FOXP2: variants seen among roughly 807,000 people sequenced by gnomAD.
FOXP2 encodes forkhead box P2.
A neutral mutation model predicts 115.8 loss-of-function variants in FOXP2; 12 were observed. The observed-to-expected ratio is 0.10, with a 90% CI of 0.07 to 0.17. The LOEUF (loss-of-function observed/expected upper bound fraction) is 0.17, where lower values mean the gene tolerates loss of function less well. Ranked by LOEUF, FOXP2 falls within the 10% of genes least tolerant of loss-of-function variation. The probability of loss-of-function intolerance (pLI) is 1.00; values close to 1 mark genes in which losing one functional copy is unlikely to be tolerated. For missense variants in FOXP2, 629 were observed against 843.5 expected (o/e 0.75, Z 3.15); for synonymous variants, 328 against 297.7 (o/e 1.10, Z -1.05).
At chr7:114,561,212 A>T (rs1455859163) in intron 3 of FOXP2, 1 of 152,246 alleles carries the variant, frequency 6.6e-6, no homozygotes, top group Non-Finnish European at 1.5e-5. Flanking sequence ...ATAGAGAAGT[A>T]TATGCTGGGT....
chr7:114,671,681 A>G (rs72603572), intron 16 of FOXP2, among the ~76,000 whole-genome samples: 5,054 of 134,716 alleles, frequency 0.038, 416 homozygotes, highest in East Asian at 0.34. Context: ...AGTACCAGGG[A>G]AAAAAAAATG....
chr7:114,164,130 A>C (rs992496379), intron 1 of FOXP2, among the ~76,000 whole-genome samples: 7 of 152,144 alleles, frequency 4.6e-5, no homozygotes, highest in Admixed American at 2.0e-4. Context: ...TTCCAGGTTC[A>C]TGTTTAATCT....
In FOXP2 at chr7:114,640,783, A is replaced by G. The variant is rs537129649; in HGVS notation, c.776-1627A>G. On this transcript the variant is annotated intron_variant, in intron 6 of 16. Transcript: ENST00000350908. Reference sequence around the variant, plus strand: ...CACTTTCATCTTTATATTAGATGTTATAGATGCACATAGTAATTAAGAACA... The same window carrying G: ...CACTTTCATCTTTATATTAGATGTTGTAGATGCACATAGTAATTAAGAACA... Among the ~76,000 whole-genome samples, 6 of 152,298 alleles carry G rather than the reference A, an allele frequency of 3.9e-5. No individual in the cohort carries two copies. The South Asian group carries it at 6.2e-4, about 16-fold the overall frequency.
chr7:114,644,538 A>G, intron 7 of FOXP2, 147 bp from the exon 8 acceptor site: 1 of 695,166 alleles, frequency 1.4e-6, no homozygotes, highest in Non-Finnish European at 2.6e-6. Flanking sequence ...GAACTATTCA[A>G]TAGAACGATT....
At chr7:114,207,341 A>T (rs1439409300) in intron 1 of FOXP2, among the ~76,000 whole-genome samples, 1 of 152,208 alleles carries the variant, frequency 6.6e-6, no homozygotes, top group Non-Finnish European at 1.5e-5. Context: ...TTTATGTGTA[A>T]CATTTTGAGA....
chr7:114,226,673 A>T (rs1056338304), intron 1 of FOXP2, among the ~76,000 whole-genome samples: 1 of 152,154 alleles, frequency 6.6e-6, no homozygotes, highest in Non-Finnish European at 1.5e-5. Flanking sequence ...TCAGGTTTTG[A>T]AAGTTTCCCA....
intron 2 of FOXP2, among the ~76,000 whole-genome samples, chr7:114,457,383 T>G (rs987137611): frequency 2.0e-5 from 3 of 152,180 alleles, no homozygotes; most frequent in African/African-American, 7.2e-5. Flanking sequence ...TCTCTACTTT[T>G]TATCCCCTTG....
chr7:114,508,597 G>C (rs1797932495), intron 2 of FOXP2, among the ~76,000 whole-genome samples: 1 of 151,888 alleles, frequency 6.6e-6, no homozygotes, highest in East Asian at 1.9e-4. Flanking sequence ...AAACCTAAAG[G>C]GTGGAGCTTT....
upstream of FOXP2, among the ~76,000 whole-genome samples, chr7:114,162,531 A>G (rs1309044158): frequency 6.6e-6 from 1 of 152,030 alleles, no homozygotes; most frequent in African/African-American, 2.4e-5. Context: ...ACACTTTTCT[A>G]ATCATCCTGT....
intron 3 of FOXP2, among the ~76,000 whole-genome samples, chr7:114,608,595 G>A (rs934342304): frequency 6.6e-6 from 1 of 152,128 alleles, no homozygotes; most frequent in African/African-American, 2.4e-5. Flanking sequence ...CTAGAAACAA[G>A]TCACAGGTTC....
intron 2 of FOXP2, among the ~76,000 whole-genome samples, chr7:114,346,882 G>A (rs888749404): frequency 6.6e-6 from 1 of 151,782 alleles, no homozygotes; most frequent in Non-Finnish European, 1.5e-5. Flanking sequence ...TTGTACTGTA[G>A]GGTGAGTGGA....
rs1357919565 is a variant in FOXP2 at position 114,692,609 on chromosome 7, C to G, written c.*2683C>G. ...TAGCAAATCTGCTTTTCTGCATCTG[C>G]TTTGCGTAGCTATTGTAAGGCTTTG... On this transcript the variant is annotated 3_prime_UTR_variant, in exon 17 of 17. Transcript: ENST00000350908. 1 of 451,296 alleles carries G rather than the reference C, an allele frequency of 2.2e-6. No individual in the cohort carries two copies. The highest frequency in any genetic ancestry group is 2.0e-5 in the African/African-American group (1 of 49,816). The allele number at this position is 451,296 out of a possible 1,614,324, so 28.0% of individuals were successfully genotyped here.
At chr7:114,339,389 A>G (rs553603650) in intron 2 of FOXP2, among the ~76,000 whole-genome samples, 71 of 151,404 alleles carry the variant, frequency 4.7e-4, no homozygotes. Context: ...AGTAATGAAT[A>G]TAATTAGTGT....
At chr7:114,348,889 G>T (rs1222771284) in intron 2 of FOXP2, among the ~76,000 whole-genome samples, 3 of 152,084 alleles carry the variant, frequency 2.0e-5, no homozygotes, top group Non-Finnish European at 2.9e-5. Context: ...CAGCTTATGA[G>T]TATTCAACAC....
chr7:114,169,861 C>G (rs1793092859), intron 1 of FOXP2, among the ~76,000 whole-genome samples: 1 of 152,154 alleles, frequency 6.6e-6, no homozygotes, highest in African/African-American at 2.4e-5. Flanking sequence ...CTCAGGAGAT[C>G]TGATGGTTTT....
At chr7:114,385,020 A>G (rs1792407683) in intron 2 of FOXP2, among the ~76,000 whole-genome samples, 1 of 149,738 alleles carries the variant, frequency 6.7e-6, no homozygotes, top group Admixed American at 6.7e-5. Context: ...CTTTTTCTCT[A>G]TGACTCCCTC....
intron 2 of FOXP2, among the ~76,000 whole-genome samples, chr7:114,439,630 C>T (rs1203238250): frequency 6.6e-6 from 1 of 152,112 alleles, no homozygotes; most frequent in Admixed American, 6.6e-5. Context: ...ACTGCTACCT[C>T]CACCTCCGGG....
chr7:114,506,663 T>C (rs1400021493), intron 2 of FOXP2, among the ~76,000 whole-genome samples: 1 of 151,704 alleles, frequency 6.6e-6, no homozygotes, highest in Non-Finnish European at 1.5e-5. Flanking sequence ...GATGTTTAAA[T>C]GTCAGCATCA....
At chr7:114,094,576 T>C (rs1049386817) in intron 1 of FOXP2, among the ~76,000 whole-genome samples, 1 of 152,174 alleles carries the variant, frequency 6.6e-6, no homozygotes. Context: ...GACATACCAT[T>C]AGTGATATGT....
Sources: allele counts gnomAD v4.1 joint callset (sites outside exome capture counted in the v4.1 genomes callset), GRCh38; gene constraint gnomAD v4.1.1; transcripts MANE v1.5; gene names NCBI Gene and HGNC (gene_info 2026-07-23, HGNC 2026-07-21).